Variants in MAGI2 observed in about 807,000 individuals in gnomAD.
MAGI2 encodes membrane associated guanylate kinase, WW and PDZ domain containing 2, also known as membrane-associated guanylate kinase, WW and PDZ domain-containing protein 2.
In MAGI2, 35 loss-of-function variants were observed where a neutral mutation model predicts 133.3. The observed-to-expected ratio is 0.26, with a 90% CI of 0.20 to 0.35. The LOEUF (loss-of-function observed/expected upper bound fraction) is 0.35. MAGI2 is among the 10% of genes least tolerant of loss of function. The probability of loss-of-function intolerance (pLI) is 1.00; values close to 1 mark genes in which losing one functional copy is unlikely to be tolerated. For missense variants in MAGI2, 1,636 were observed against 1,863.4 expected, an observed-to-expected ratio of 0.88 and a Z score of 2.25; for synonymous variants, 729 against 710.6, an observed-to-expected ratio of 1.03 and a Z score of -0.41.
intron 3 of MAGI2, among the ~76,000 whole-genome samples, chr7:78,572,466 C>T (rs1013648056): frequency 2.0e-5 from 3 of 152,010 alleles, no homozygotes; most frequent in East Asian, 1.9e-4. Flanking sequence ...AACCATGCCT[C>T]CCAGTATTCA....
At chr7:79,135,738 C>G (rs747601735) in intron 1 of MAGI2, among the ~76,000 whole-genome samples, 4 of 151,414 alleles carry the variant, frequency 2.6e-5, no homozygotes, top group African/African-American at 9.7e-5. Flanking sequence ...GTCGGGAGTC[C>G]GAGATGAGCC....
At chr7:79,098,475 T>C (rs1376968934) in intron 1 of MAGI2, among the ~76,000 whole-genome samples, 1 of 152,210 alleles carries the variant, frequency 6.6e-6, no homozygotes, top group Non-Finnish European at 1.5e-5. Flanking sequence ...TATTTTGCCA[T>C]TATTAGGGCT....
intron 2 of MAGI2, among the ~76,000 whole-genome samples, chr7:78,944,906 T>C (rs1430537515): frequency 6.6e-6 from 1 of 151,814 alleles, no homozygotes; most frequent in Non-Finnish European, 1.5e-5. Flanking sequence ...CCAACTAATT[T>C]CTGTATTTTT....
intron 3 of MAGI2, among the ~76,000 whole-genome samples, chr7:78,539,219 T>A (rs1433728388): frequency 6.6e-6 from 1 of 152,242 alleles, no homozygotes; most frequent in African/African-American, 2.4e-5. Context: ...GTTTTAATCA[T>A]AAAGGGACGC....
intron 16 of MAGI2, among the ~76,000 whole-genome samples, chr7:78,153,586 T>A (rs922314624): frequency 6.6e-6 from 1 of 152,180 alleles, no homozygotes; most frequent in African/African-American, 2.4e-5. Context: ...TTGACAGAGG[T>A]TGAGACGAAC....
intron 2 of MAGI2, among the ~76,000 whole-genome samples, chr7:78,780,015 T>C (rs1388664090): frequency 1.3e-5 from 2 of 152,226 alleles, no homozygotes; most frequent in Non-Finnish European, 2.9e-5. Flanking sequence ...GAAAGAAAGA[T>C]ATTAAGAAAT....
chr7:78,737,074 G>T (rs143982777), intron 2 of MAGI2, among the ~76,000 whole-genome samples: 295 of 152,244 alleles, frequency 1.9e-3, no homozygotes, highest in Middle Eastern at 3.4e-3. Context: ...TTTTCTTGAA[G>T]ATAAAGTAAA....
chr7:79,028,327 A>ATG (rs1183095595), intron 1 of MAGI2, among the ~76,000 whole-genome samples: 1 of 107,442 alleles, frequency 9.3e-6, no homozygotes, highest in African/African-American at 3.6e-5. Flanking sequence ...ACATATATAT[A>ATG]CATATATATA....
At chr7:78,573,273 A>AAAT (rs1801828739) in intron 3 of MAGI2, among the ~76,000 whole-genome samples, 1 of 51,678 alleles carries the variant, frequency 1.9e-5, no homozygotes, top group Non-Finnish European at 3.0e-5. Context: ...AATATATATA[A>AAAT]ATATATATAT....
chr7:78,640,047 G>A (rs779371011), intron 2 of MAGI2, among the ~76,000 whole-genome samples: 70 of 152,086 alleles, frequency 4.6e-4, no homozygotes, highest in Non-Finnish European at 4.6e-4. Flanking sequence ...GCAGCCCCAT[G>A]GCCTAGATCC....
intron 2 of MAGI2, among the ~76,000 whole-genome samples, chr7:78,795,403 A>G (rs1787523102): frequency 1.3e-5 from 2 of 152,026 alleles, no homozygotes; most frequent in Non-Finnish European, 2.9e-5. Context: ...TGGCATTTCT[A>G]TACACTAACA....
At chr7:78,262,081 A>C (rs937864009) in intron 9 of MAGI2, among the ~76,000 whole-genome samples, 1 of 152,144 alleles carries the variant, frequency 6.6e-6, no homozygotes, top group African/African-American at 2.4e-5. Context: ...CCTTAGAGTG[A>C]CAGTTATAAA....
intron 1 of MAGI2, among the ~76,000 whole-genome samples, chr7:79,048,632 G>A (rs1261748923): frequency 1.3e-5 from 2 of 152,070 alleles, no homozygotes; most frequent in African/African-American, 2.4e-5. Flanking sequence ...CATAATATTA[G>A]TATAGGTTCT....
At chr7:78,311,652 ATAACTC>A (rs1180813559) in intron 9 of MAGI2, among the ~76,000 whole-genome samples, 1 of 152,258 alleles carries the variant, frequency 6.6e-6, no homozygotes, top group Non-Finnish European at 1.5e-5. Context: ...TTTCTTGATT[ATAACTC>A]TAGATCAATA....
chr7:78,246,143 G>A (rs537549364), intron 10 of MAGI2, among the ~76,000 whole-genome samples: 1 of 152,112 alleles, frequency 6.6e-6, no homozygotes, highest in African/African-American at 2.4e-5. Context: ...GGAAACAGTG[G>A]ATTAACAACA....
intron 2 of MAGI2, among the ~76,000 whole-genome samples, chr7:78,673,428 ACCAAGTACTTGGTCACAGT>A (rs748910645): frequency 2.6e-5 from 4 of 151,908 alleles, no homozygotes; most frequent in Non-Finnish European, 5.9e-5. Flanking sequence ...ACAGCCAAGT[ACCAAGTACTTGGTCACAGT>A]CCAAGTACCA....
intron 1 of MAGI2, among the ~76,000 whole-genome samples, chr7:79,121,527 C>T (rs11767464): frequency 0.59 from 89,056 of 151,960 alleles, 32,109 homozygotes; most frequent in Non-Finnish European, 0.8. Context: ...CAACTTTCTG[C>T]CTTATGTATC....
chr7:78,524,243 C>T (rs1031204828), intron 3 of MAGI2, among the ~76,000 whole-genome samples: 6 of 152,150 alleles, frequency 3.9e-5, no homozygotes, highest in African/African-American at 1.4e-4. Flanking sequence ...CTCTCCCTGC[C>T]CCTGCTACCC....
At chr7:78,446,656 A>C (rs1263434996) in intron 6 of MAGI2, among the ~76,000 whole-genome samples, 3 of 152,060 alleles carry the variant, frequency 2.0e-5, no homozygotes, top group East Asian at 3.9e-4. Flanking sequence ...CTGATGTTCA[A>C]AGTGGGGCAA....
Sources: allele counts gnomAD v4.1 joint callset (sites outside exome capture counted in the v4.1 genomes callset), GRCh38; gene constraint gnomAD v4.1.1; transcripts MANE v1.5; gene names NCBI Gene and HGNC (gene_info 2026-07-23, HGNC 2026-07-21).